Variants in DLG2 observed in about 807,000 individuals in gnomAD.
The protein encoded by DLG2 is discs large MAGUK scaffold protein 2.
A neutral mutation model predicts 132.5 loss-of-function variants in DLG2; 45 were observed. The ratio of observed to expected loss-of-function variants is 0.34; its 90% CI spans 0.27 to 0.44. The LOEUF is 0.44. DLG2 is among the 20% of genes least tolerant of loss of function. The pLI is 1.00. For synonymous variants in DLG2, 424 were observed against 419.6 expected, an observed-to-expected ratio of 1.01 and a Z score of -0.13; for missense variants, 1,045 against 1,196.9, an observed-to-expected ratio of 0.87 and a Z score of 1.87.
At chr11:84,366,798 C>T (rs1362590068) in intron 7 of DLG2, among the ~76,000 whole-genome samples, 2 of 152,030 alleles carry the variant, frequency 1.3e-5, no homozygotes, top group African/African-American at 4.8e-5. Context: ...ACAGGAGCAC[C>T]CAGATTCATA....
intron 2 of DLG2, among the ~76,000 whole-genome samples, chr11:85,607,110 C>T (rs969095843): frequency 6.6e-6 from 1 of 152,164 alleles, no homozygotes; most frequent in African/African-American, 2.4e-5. Flanking sequence ...TACCATTGGA[C>T]CACTTTCACT....
chr11:85,564,304 G>A (rs908646544), intron 3 of DLG2, among the ~76,000 whole-genome samples: 2 of 151,474 alleles, frequency 1.3e-5, no homozygotes, highest in African/African-American at 4.8e-5. Context: ...TCATGCACTG[G>A]GGGCCCTGAA....
At chr11:84,468,730 C>T (rs941107200) in intron 7 of DLG2, among the ~76,000 whole-genome samples, 10 of 151,672 alleles carry the variant, frequency 6.6e-5, no homozygotes, top group African/African-American at 2.4e-4. Flanking sequence ...ATCAAATTTA[C>T]CAAGTAGGTA....
intron 7 of DLG2, among the ~76,000 whole-genome samples, chr11:84,395,949 T>C (rs768795969): frequency 6.6e-6 from 1 of 152,234 alleles, no homozygotes; most frequent in Non-Finnish European, 1.5e-5. Context: ...CCAAGGGCAA[T>C]GGGCTAAACT....
chr11:84,492,190 G>T (rs961822632), intron 7 of DLG2, among the ~76,000 whole-genome samples: 7 of 152,048 alleles, frequency 4.6e-5, no homozygotes, highest in African/African-American at 1.7e-4. Context: ...GAATAAAAGG[G>T]TTTTTAAAAT....
At chr11:85,464,899 C>G (rs187528792) in intron 3 of DLG2, among the ~76,000 whole-genome samples, 130 of 150,666 alleles carry the variant, frequency 8.6e-4, no homozygotes, top group African/African-American at 3.0e-3. Flanking sequence ...ATGGTGACAC[C>G]CCGTCTCTAC....
chr11:84,348,796 G>A (rs2098549941), intron 7 of DLG2, among the ~76,000 whole-genome samples: 1 of 152,140 alleles, frequency 6.6e-6, no homozygotes, highest in Admixed American at 6.5e-5. Flanking sequence ...TACACACACA[G>A]GGATATCACC....
intron 14 of DLG2, among the ~76,000 whole-genome samples, chr11:83,956,813 A>G (rs1355904579): frequency 6.6e-6 from 1 of 152,214 alleles, no homozygotes; most frequent in Non-Finnish European, 1.5e-5. Flanking sequence ...GCTTGTTCCT[A>G]ATGGGTACCA....
At chr11:84,559,988 G>C (rs953921521) in intron 6 of DLG2, among the ~76,000 whole-genome samples, 1 of 152,058 alleles carries the variant, frequency 6.6e-6, no homozygotes, top group Non-Finnish European at 1.5e-5. Flanking sequence ...ATTCCTCTAG[G>C]AGGAAGAATC....
chr11:85,191,160 G>GCA (rs1256970184), intron 4 of DLG2, among the ~76,000 whole-genome samples: 16 of 101,164 alleles, frequency 1.6e-4, no homozygotes, highest in Middle Eastern at 5.3e-3. Flanking sequence ...GCGCGCACGC[G>GCA]CGCACACACA....
Position 84,278,448 on chromosome 11 carries a change from A to G in DLG2, c.520-27157T>C, listed in dbSNP as rs537125822. Among the ~76,000 whole-genome samples the G allele has an allele frequency of 1.8e-3, 239 of 129,652 alleles. 1 individual carries two copies. Among genetic ancestry groups the G allele is most frequent in the Non-Finnish European group, 3.1e-3 (192 of 61,980 alleles). The allele number at this position is 129,652 out of a possible 152,430, so 85.1% of individuals were successfully genotyped here. On this transcript the variant is annotated intron_variant, in intron 7 of 27. Coordinates refer to ENST00000376104, the MANE Select transcript of DLG2 (RefSeq NM_001142699.3). ...TACACAAAATTTTTCAGAGAACTCA[A>G]GAGGAACAAATACTTTCCAGATCAT...
chr11:85,014,912 C>G (rs571799998), intron 6 of DLG2, among the ~76,000 whole-genome samples: 1 of 152,136 alleles, frequency 6.6e-6, no homozygotes, highest in Non-Finnish European at 1.5e-5. Context: ...CGAGTTATCC[C>G]GAGTCTCCTA....
At chr11:84,188,680 G>C (rs1175966080) in intron 8 of DLG2, among the ~76,000 whole-genome samples, 2 of 152,106 alleles carry the variant, frequency 1.3e-5, no homozygotes, top group African/African-American at 4.8e-5. Context: ...CAAAGCCACA[G>C]CTCTCCCTAA....
chr11:84,711,170 A>G (rs1348679797), intron 6 of DLG2, among the ~76,000 whole-genome samples: 1 of 151,680 alleles, frequency 6.6e-6, no homozygotes, highest in Non-Finnish European at 1.5e-5. Flanking sequence ...TTTTAATTTC[A>G]ATAAGATCAC....
At chr11:84,827,415 T>G (rs755328012) in intron 6 of DLG2, among the ~76,000 whole-genome samples, 2 of 151,720 alleles carry the variant, frequency 1.3e-5, no homozygotes, top group Non-Finnish European at 2.9e-5. Context: ...ATGGGGTGTT[T>G]AAAATCCAGA....
chr11:85,457,109 G>C (rs1464168826), intron 3 of DLG2, among the ~76,000 whole-genome samples: 1 of 151,870 alleles, frequency 6.6e-6, no homozygotes, highest in Non-Finnish European at 1.5e-5. Flanking sequence ...TCCTGTGTTA[G>C]GTGCATATAT....
chr11:84,368,411 C>T (rs1022458251), intron 7 of DLG2, among the ~76,000 whole-genome samples: 5 of 151,840 alleles, frequency 3.3e-5, no homozygotes, highest in Admixed American at 3.3e-4. Context: ...TAAATATTCT[C>T]CCAAGGTAAG....
chr11:84,671,590 TC>T (rs35852066), intron 6 of DLG2, among the ~76,000 whole-genome samples: 2 of 152,132 alleles, frequency 1.3e-5, no homozygotes, highest in African/African-American at 4.8e-5. Context: ...CAGAATGACT[TC>T]CGTGTTGGCT....
At chr11:85,503,025 T>C (rs946527540) in intron 3 of DLG2, among the ~76,000 whole-genome samples, 1 of 151,970 alleles carries the variant, frequency 6.6e-6, no homozygotes, top group Non-Finnish European at 1.5e-5. Flanking sequence ...CCCTACAATA[T>C]AGAAGAAACT....
Sources: gnomAD v4.1 joint callset for allele counts (sites outside exome capture counted in the v4.1 genomes callset) on GRCh38, gnomAD v4.1.1 for gene constraint, MANE v1.5 for transcripts, NCBI Gene and HGNC (gene_info 2026-07-23, HGNC 2026-07-21) for gene names.